Variants in SCN10A observed in about 807,000 individuals in gnomAD.
The protein encoded by SCN10A is sodium voltage-gated channel alpha subunit 10.
Under a neutral mutation model 170.7 loss-of-function variants are expected in SCN10A, and 162 were observed. That is an observed-to-expected ratio of 0.95 (90% CI 0.84 to 1.08). The LOEUF (loss-of-function observed/expected upper bound fraction) is 1.08, where lower values mean the gene tolerates loss of function less well. Ranked by LOEUF, SCN10A falls within the 50% of genes least tolerant of loss-of-function variation. The pLI, the probability that SCN10A is intolerant of heterozygous loss-of-function variation, is 0.00. For missense variants in SCN10A, 2,527 were observed against 2,436.9 expected (o/e 1.04, Z -0.78); for synonymous variants, 985 against 904.6 (o/e 1.09, Z -1.59).
intron 26 of SCN10A, among the ~76,000 whole-genome samples, chr3:38,706,313 A>G (rs2063210878): frequency 6.6e-6 from 1 of 152,206 alleles, no homozygotes; most frequent in Admixed American, 6.5e-5. Context: ...ATTTAGGGAA[A>G]GGCTTGTTCC....
At chr3:38,792,873 T>A (rs1193754799) in intron 2 of SCN10A, among the ~76,000 whole-genome samples, 1 of 152,160 alleles carries the variant, frequency 6.6e-6, no homozygotes, top group Non-Finnish European at 1.5e-5. Context: ...CTCTCAAACC[T>A]TATTGAGGAC....
chr3:38,726,483 G>A, intron 17 of SCN10A, 123 bp downstream of exon 17: 1 of 737,918 alleles, frequency 1.4e-6, no homozygotes, highest in East Asian at 2.7e-5. Context: ...CCTCTGGAAA[G>A]CTTGGCATGG....
chr3:38,731,781 C>T (rs1234464124), intron 15 of SCN10A, among the ~76,000 whole-genome samples: 1 of 152,194 alleles, frequency 6.6e-6, no homozygotes, highest in East Asian at 1.9e-4. Context: ...GATAACTGTG[C>T]AGGCCCATGG....
intron 26 of SCN10A, 152 bp downstream of exon 26, chr3:38,707,127 G>T: frequency 3.2e-5 from 20 of 630,110 alleles, no homozygotes; most frequent in Non-Finnish European, 3.9e-5. Context: ...CTCATTCCTT[G>T]GGCCTAGGAA....
chr3:38,758,123 C>T (rs1382252225), intron 8 of SCN10A, among the ~76,000 whole-genome samples: 3 of 152,196 alleles, frequency 2.0e-5, no homozygotes, highest in African/African-American at 7.2e-5. Flanking sequence ...ACCTCTGGGG[C>T]TCTCCTTATC....
chr3:38,759,867 T>C (rs1292349702), intron 8 of SCN10A, among the ~76,000 whole-genome samples: 1 of 152,190 alleles, frequency 6.6e-6, no homozygotes, highest in Non-Finnish European at 1.5e-5. Context: ...ACTCCACTCA[T>C]TTGTTGTTAT....
intron 4 of SCN10A, 151 bp from the exon 5 acceptor site, chr3:38,771,558 A>G (rs766323563): frequency 2.7e-6 from 2 of 746,202 alleles, no homozygotes; most frequent in Non-Finnish European, 4.4e-6. Flanking sequence ...GAAGAAGGTA[A>G]GGAGAGGAAA....
chr3:38,733,547 T>G (rs2063531139), intron 15 of SCN10A, among the ~76,000 whole-genome samples: 1 of 152,178 alleles, frequency 6.6e-6, no homozygotes, highest in African/African-American at 2.4e-5. Flanking sequence ...AACTTTTGGC[T>G]TTGATTAAGT....
intron 4 of SCN10A, among the ~76,000 whole-genome samples, chr3:38,779,766 C>G (rs939030994): frequency 2.0e-5 from 3 of 151,752 alleles, no homozygotes; most frequent in Admixed American, 6.6e-5. Context: ...TGTCTTTTGT[C>G]CAAGAATTCT....
chr3:38,731,261 C>T (rs773605150), intron 15 of SCN10A, among the ~76,000 whole-genome samples: 30 of 152,086 alleles, frequency 2.0e-4, no homozygotes, highest in Non-Finnish European at 3.5e-4. Context: ...CTCAAAGACA[C>T]GGGCAAACTG....
At chr3:38,702,714 A>G (rs551809589) in intron 26 of SCN10A, among the ~76,000 whole-genome samples, 9 of 152,316 alleles carry the variant, frequency 5.9e-5, no homozygotes, top group African/African-American at 1.9e-4. Context: ...ATTCTTGGAA[A>G]TGTTCCCTCT....
intron 1 of SCN10A, among the ~76,000 whole-genome samples, chr3:38,796,784 C>T (rs779817231): frequency 7.2e-5 from 11 of 152,034 alleles, no homozygotes; most frequent in Non-Finnish European, 1.6e-4. Flanking sequence ...TTTCATGTTC[C>T]CATAACTCTC....
chr3:38,796,348 T>G (rs1484301010), intron 1 of SCN10A, among the ~76,000 whole-genome samples: 1 of 152,144 alleles, frequency 6.6e-6, no homozygotes, highest in Non-Finnish European at 1.5e-5. Flanking sequence ...CTCTCTAACC[T>G]CTCCATCATA....
chr3:38,707,407 C>G (rs549987875), intron 25 of SCN10A, 24 bp from the exon 26 acceptor site: 1 of 1,612,872 alleles, frequency 6.2e-7, no homozygotes, highest in East Asian at 2.2e-5. Flanking sequence ...CACACTGTTA[C>G]TAAAGCAAGA....
At chr3:38,730,498 C>G (rs2126004790) in intron 15 of SCN10A, among the ~76,000 whole-genome samples, 1 of 152,194 alleles carries the variant, frequency 6.6e-6, no homozygotes, top group East Asian at 1.9e-4. Flanking sequence ...AGGAATGAGT[C>G]ATCAAGAGTG....
intron 21 of SCN10A, among the ~76,000 whole-genome samples, chr3:38,718,103 A>G (rs1380465963): frequency 6.6e-6 from 1 of 152,226 alleles, no homozygotes; most frequent in Non-Finnish European, 1.5e-5. Flanking sequence ...GTTCTAAGCC[A>G]TGGCTGCACC....
At chr3:38,740,340 C>G (rs1176490768) in intron 14 of SCN10A, among the ~76,000 whole-genome samples, 1 of 152,170 alleles carries the variant, frequency 6.6e-6, no homozygotes, top group East Asian at 1.9e-4. Flanking sequence ...AACACAACAA[C>G]CAGCAGGGAA....
At chr3:38,730,205 G>A (rs1000023396) in intron 15 of SCN10A, among the ~76,000 whole-genome samples, 1 of 152,196 alleles carries the variant, frequency 6.6e-6, no homozygotes, top group Non-Finnish European at 1.5e-5. Context: ...AACAATCCCA[G>A]GAGAATGCAA....
intron 11 of SCN10A, among the ~76,000 whole-genome samples, chr3:38,753,223 C>T (rs929386533): frequency 6.6e-6 from 1 of 152,102 alleles, no homozygotes; most frequent in Admixed American, 6.5e-5. Flanking sequence ...TTAAAGTTGC[C>T]AGAGAAAAGA....
Sources: gnomAD v4.1 joint callset for allele counts (sites outside exome capture counted in the v4.1 genomes callset) on GRCh38, gnomAD v4.1.1 for gene constraint, MANE v1.5 for transcripts, NCBI Gene and HGNC (gene_info 2026-07-23, HGNC 2026-07-21) for gene names.